The following SPATA20 variants were observed in gnomAD, a reference collection of about 807,000 sequenced individuals.
SPATA20 encodes spermatogenesis-associated protein 20.
Under a neutral mutation model 98.9 loss-of-function variants are expected in SPATA20, and 74 were observed. That is an observed-to-expected ratio of 0.75 (90% CI 0.62 to 0.91). SPATA20 has a LOEUF of 0.91. Among genes scored for constraint, SPATA20 ranks in the 40% least tolerant of loss-of-function variants. The pLI is 0.00. For missense variants in SPATA20, 1,016 were observed against 1,069.8 expected, an observed-to-expected ratio of 0.95 and a Z score of 0.70; for synonymous variants, 430 against 440.5, an observed-to-expected ratio of 0.98 and a Z score of 0.30.
At chr17:50,554,868 C>T (rs1465144286) in intron 15 of SPATA20, among the ~76,000 whole-genome samples, 4 of 148,358 alleles carry the variant, frequency 2.7e-5, no homozygotes, top group African/African-American at 1.0e-4. Flanking sequence ...TGGTATCTGC[C>T]TCTGTGTGGG....
At position 50,554,414 on chromosome 17, in the gene SPATA20, C is replaced by A. The variant is rs1346829457; in HGVS notation, c.2121C>A (p.Val707=). Residue 707 remains valine (V), a synonymous_variant, in exon 15 of 17, where the codon GTC becomes GTA. Coordinates refer to ENST00000006658, the MANE Select transcript of SPATA20 (RefSeq NM_022827.4). Reference sequence around the variant, plus strand: ...TCCCGGTGGCGTTGCCCGAGATGGTCCGCGCCCTCTCAGCCCAGCAGCAGA... The same window carrying A: ...TCCCGGTGGCGTTGCCCGAGATGGTACGCGCCCTCTCAGCCCAGCAGCAGA... ...RRVPVALPEM[V]RALSAQQQTL... The A allele has an allele frequency of 6.2e-7, 1 of 1,613,124 alleles. No individual in the cohort carries two copies. The highest frequency in any genetic ancestry group is 2.2e-5 in the East Asian group (1 of 44,878).
Position 50,555,711 on chromosome 17 carries a change from A to G in SPATA20, c.*49A>G. 1 of 1,549,850 alleles carries G rather than the reference A, an allele frequency of 6.5e-7. No individual in the cohort carries two copies. Among genetic ancestry groups the G allele is most frequent in the Non-Finnish European group, 8.8e-7 (1 of 1,139,208 alleles). ...GGCAGAAGGTGAAGCATCCCAACTGACTAGAGACTCAGGCCCTGCAGGGCC... is the reference window on the plus strand; with the variant it reads ...GGCAGAAGGTGAAGCATCCCAACTGGCTAGAGACTCAGGCCCTGCAGGGCC... On this transcript the variant is annotated 3_prime_UTR_variant, in exon 17 of 17. Coordinates refer to ENST00000006658, the MANE Select transcript of SPATA20 (RefSeq NM_022827.4).
Position 50,549,989 on chromosome 17 carries a change from C to T in SPATA20, c.867C>T (p.Ile289=), listed in dbSNP as rs773407875. The T allele has an allele frequency of 1.3e-6, 2 of 1,545,632 alleles. No individual in the cohort carries two copies. The highest frequency in any genetic ancestry group is 1.4e-5 in the African/African-American group (1 of 73,282). ...ATGTTCTTGGTGCCCCCACAGTGATCCTGAGCTTCCTGTTCTCCTACTGGC... is the reference window on the plus strand; with the variant it reads ...ATGTTCTTGGTGCCCCCACAGTGATTCTGAGCTTCCTGTTCTCCTACTGGC... The part of the protein sequence containing the change: ...AEAPKFPTPV[I]LSFLFSYWLS... The change falls in exon 8 of 17, where the codon ATC becomes ATT. Residue 289 remains isoleucine, a synonymous_variant. Coordinates refer to ENST00000006658, the MANE Select transcript of SPATA20 (RefSeq NM_022827.4).
At position 50,551,210 on chromosome 17, in the gene SPATA20, A is replaced by G; in HGVS notation, c.1576+20A>G. 1 of 1,591,726 alleles carries G rather than the reference A, an allele frequency of 6.3e-7. No homozygotes were observed. The highest frequency in any genetic ancestry group is 8.6e-7 in the Non-Finnish European group (1 of 1,168,350). ...GGAATGGTGGGGCAGCACACCTGAG[A>G]CCGAGCCTGTCTGTAGGATCCCCCT... is the stretch of plus-strand genomic sequence containing the variant. On this transcript the variant is annotated intron_variant, in intron 12 of 16. Transcript: ENST00000006658.
At chr17:50,551,257 G>C (rs776339800) in intron 12 of SPATA20, 67 bp downstream of exon 12, 1 of 1,432,166 alleles carries the variant, frequency 7.0e-7, no homozygotes, top group Non-Finnish European at 9.5e-7. Flanking sequence ...CTGTCTTTCC[G>C]GCAGCGGCTA....
In SPATA20 at chr17:50,552,177, G is replaced by T; in HGVS notation, c.1954G>T (p.Asp652Tyr). ...LGAGLPLRLK[D>Y]DQDGAEPSAN... ...GGCTGGCCTGCCCCTGCGTCTGAAG[G>T]ACGGTCAGTGGGGGTGCAGGGCTAG... Residue 652 changes from aspartate (D) to tyrosine (Y), a missense_variant, in exon 14 of 17, where the codon GAC becomes TAC. Transcript: ENST00000006658. 6.2e-7 allele frequency: 1 copy of T among 1,613,486 alleles called. No homozygotes were observed. The highest frequency in any genetic ancestry group is 1.1e-5 in the South Asian group (1 of 91,024).
Position 50,552,565 on chromosome 17 carries a change from C to CTT in SPATA20, c.1957+400_1957+401dup, listed in dbSNP as rs36121212. On this transcript the variant is annotated intron_variant, in intron 14 of 16. Coordinates refer to ENST00000006658, the MANE Select transcript of SPATA20 (RefSeq NM_022827.4). ...TTCTTTTCTTTCTCTCTTTCTTTCTCTTTTTTTTTTTTTTTTGAGACAGGG... is the reference window on the plus strand; with the variant it reads ...TTCTTTTCTTTCTCTCTTTCTTTCTCTTTTTTTTTTTTTTTTTTGAGACAGGG... Among the ~76,000 whole-genome samples, 433 of 128,590 alleles carry CTT rather than the reference C, an allele frequency of 3.4e-3. 5 individuals are homozygous for CTT. The highest frequency in any genetic ancestry group is 0.014 in the East Asian group (65 of 4,488). 84.4% of individuals were successfully genotyped at this position (128,590 alleles called of 152,430 possible).
intron 14 of SPATA20, among the ~76,000 whole-genome samples, chr17:50,552,453 A>G (rs943149171): frequency 6.6e-6 from 1 of 151,022 alleles, no homozygotes; most frequent in Non-Finnish European, 1.5e-5. Flanking sequence ...GGCATGAACC[A>G]CTACACTCAG....
intron 2 of SPATA20, 189 bp downstream of exon 2, chr17:50,547,956 C>T (rs1015372588): frequency 3.0e-5 from 36 of 1,214,862 alleles, no homozygotes; most frequent in Admixed American, 1.3e-4. Context: ...GGGGGAGGGG[C>T]CTGGGGAGGG....
intron 12 of SPATA20, 98 bp from the exon 13 acceptor site, chr17:50,551,413 A>G (rs2144063158): frequency 7.2e-7 from 1 of 1,388,542 alleles, no homozygotes; most frequent in East Asian, 2.3e-5. Context: ...GGGATCACCC[A>G]TGGCTCCAGG....
intron 1 of SPATA20, 113 bp from the exon 2 acceptor site, chr17:50,547,607 A>G (rs548361338): frequency 4.3e-5 from 32 of 746,454 alleles, no homozygotes; most frequent in East Asian, 1.7e-4. Context: ...CCTTTCTCCA[A>G]TAGTACCCTG....
intron 7 of SPATA20, 120 bp from the exon 8 acceptor site, chr17:50,549,865 T>C: frequency 1.7e-6 from 2 of 1,156,986 alleles, no homozygotes; most frequent in South Asian, 1.5e-5. Flanking sequence ...TCACAGCCTG[T>C]CCAGAGACTG....
Position 50,549,199 on chromosome 17 carries a change from C to G in SPATA20, c.660+13C>G. 1 of 1,592,990 alleles carries G rather than the reference C, an allele frequency of 6.3e-7. No individual in the cohort carries two copies. On this transcript the variant is annotated intron_variant, in intron 6 of 16. Transcript: ENST00000006658. ...AATACGAGAACAGGTGGGTGTGCCT[C>G]CGGGAGTTGGGGGACCAGGGTGGGG...
rs374374420 is a variant in SPATA20 at position 50,551,136 on chromosome 17, C to T, written c.1522C>T (p.Arg508Trp). 2.1e-5 allele frequency: 34 copies of T among 1,606,154 alleles called. No homozygotes were observed. Among genetic ancestry groups the T allele is most frequent in the East Asian group, 6.7e-5 (3 of 44,868 alleles). ...AGGGCTGGAGAAGCTCTTCCAGGCC[C>T]GGAAGCATCGGCCCAAGCCGCACCT... is the stretch of plus-strand genomic sequence containing the variant. ...NSGLEKLFQA[R>W]KHRPKPHLDS... The change falls in exon 12 of 17, where the codon CGG becomes TGG. Residue 508 changes from arginine (R) to tryptophan (W), a missense_variant. Physicochemically the swap from Arg to Trp is moderately radical, Grantham distance 101 (BLOSUM62 -3). Transcript: ENST00000006658.
chr17:50,549,521 T>TGGCCTTCTGATTCCTATGCTGGTCAGG (rs1463669281), intron 7 of SPATA20, 34 bp downstream of exon 7: 1 of 1,592,348 alleles, frequency 6.3e-7, no homozygotes, highest in African/African-American at 1.3e-5. Flanking sequence ...GCCCAGGCTT[T>TGGCCTTCTGATTCCTATGCTGGTCAGG]GGCCTTCTGA....
At chr17:50,550,420 C>A in intron 9 of SPATA20, 108 bp downstream of exon 9, 1 of 1,358,612 alleles carries the variant, frequency 7.4e-7, no homozygotes, top group African/African-American at 1.4e-5. Context: ...TGTTCCCTCC[C>A]ATGTACCCAC....
chr17:50,550,343 C>A, intron 9 of SPATA20, 31 bp downstream of exon 9: 1 of 1,522,638 alleles, frequency 6.6e-7, no homozygotes, highest in Non-Finnish European at 9.0e-7. Context: ...AGAGAACAGG[C>A]ATCTCACTCT....
At position 50,551,595 on chromosome 17, in the gene SPATA20, T is replaced by G. The variant is rs1442727979; in HGVS notation, c.1661T>G (p.Phe554Cys). Residue 554 changes from phenylalanine (F) to cysteine (C), a missense_variant, in exon 13 of 17, where the codon TTC becomes TGC. Phe to Cys is a radical substitution (Grantham distance 205). Coordinates refer to ENST00000006658, the MANE Select transcript of SPATA20 (RefSeq NM_022827.4). ...AACTATGCCACCAATGGTGCCAAGT[T>G]CCTGAAGCGGCACATGTTTGATGTG... Reference protein sequence around the residue: ...LINYATNGAKFLKRHMFDVAS... With the variant: ...LINYATNGAKCLKRHMFDVAS... 1 of 1,608,376 alleles carries G rather than the reference T, an allele frequency of 6.2e-7. No individual in the cohort carries two copies. The highest frequency in any genetic ancestry group is 8.5e-7 in the Non-Finnish European group (1 of 1,175,516).
chr17:50,555,608 CTGCTCAG>C lies in SPATA20; in HGVS notation c.2359_2365del (p.Ser787ProfsTer31). Reference sequence around the variant, plus strand: ...CTGCATATGTGTGTGAGAATCAAGCCTGCTCAGTGCCCATCACTGATCCCTGCGAATT... The same window carrying C: ...CTGCATATGTGTGTGAGAATCAAGCCTGCCCATCACTGATCCCTGCGAATT... On this transcript the variant is annotated frameshift_variant, in exon 17 of 17. Coordinates refer to ENST00000006658, the MANE Select transcript of SPATA20 (RefSeq NM_022827.4). LOFTEE classifies it high-confidence loss of function. The C allele has an allele frequency of 6.2e-7, 1 of 1,614,094 alleles. No individual in the cohort carries two copies. The highest frequency in any genetic ancestry group is 8.5e-7 in the Non-Finnish European group (1 of 1,179,998).
Sources: allele counts gnomAD v4.1 joint callset (sites outside exome capture counted in the v4.1 genomes callset), GRCh38; gene constraint gnomAD v4.1.1; transcripts MANE v1.5; gene names NCBI Gene and HGNC (gene_info 2026-07-23, HGNC 2026-07-21).